PDZD2: variants seen among roughly 807,000 people sequenced by gnomAD.
PDZD2 encodes PDZ domain-containing protein 2.
Under a neutral mutation model 220.7 loss-of-function variants are expected in PDZD2, and 90 were observed. The observed-to-expected ratio is 0.41, with a 90% CI of 0.34 to 0.49. The LOEUF is 0.49. Among genes scored for constraint, PDZD2 ranks in the 20% least tolerant of loss-of-function variants. The pLI is 0.28. For missense variants in PDZD2, 3,174 were observed against 3,608.5 expected (o/e 0.88, Z 3.08); for synonymous variants, 1,375 against 1,450.5 (o/e 0.95, Z 1.18).
intron 1 of PDZD2, among the ~76,000 whole-genome samples, chr5:31,705,429 G>C (rs1747781963): frequency 6.6e-6 from 1 of 152,194 alleles, no homozygotes; most frequent in African/African-American, 2.4e-5. Context: ...GAAAGAGATA[G>C]AATTTGAGGT....
intron 2 of PDZD2, among the ~76,000 whole-genome samples, chr5:31,851,943 G>C (rs184866476): frequency 6.7e-6 from 1 of 150,366 alleles, no homozygotes; most frequent in Non-Finnish European, 1.5e-5. Flanking sequence ...TGCAACCTCC[G>C]CCTCCTGGGT....
At chr5:31,699,031 G>A (rs529452552) in intron 1 of PDZD2, among the ~76,000 whole-genome samples, 4 of 152,294 alleles carry the variant, frequency 2.6e-5, no homozygotes, top group African/African-American at 9.6e-5. Flanking sequence ...CGTGGACAAG[G>A]CTGCTAGTTT....
chr5:31,724,624 A>C (rs868100221), intron 1 of PDZD2, among the ~76,000 whole-genome samples: 23 of 151,628 alleles, frequency 1.5e-4, no homozygotes, highest in Middle Eastern at 3.4e-3. Context: ...AAAAAAAAAA[A>C]AACTCCCTGA....
At chr5:31,695,678 C>T (rs567413380) in intron 1 of PDZD2, among the ~76,000 whole-genome samples, 1 of 152,316 alleles carries the variant, frequency 6.6e-6, no homozygotes, top group South Asian at 2.1e-4. Flanking sequence ...GGCTTATTTA[C>T]AGGGCGTCCT....
chr5:31,680,825 G>A (rs74433390), intron 1 of PDZD2, among the ~76,000 whole-genome samples: 7,964 of 152,172 alleles, frequency 0.052, 272 homozygotes, highest in Non-Finnish European at 0.071. Flanking sequence ...GTGGGTGCAC[G>A]GAACCTCTGC....
intron 7 of PDZD2, 46 bp from the exon 8 acceptor site, chr5:32,048,493 C>G (rs1561446064): frequency 7.7e-6 from 12 of 1,558,534 alleles, no homozygotes; most frequent in Non-Finnish European, 1.1e-5. Flanking sequence ...GCTTACGATT[C>G]TTTTTGTCCC....
At chr5:31,795,100 C>T (rs1009373266) in intron 1 of PDZD2, among the ~76,000 whole-genome samples, 1 of 152,168 alleles carries the variant, frequency 6.6e-6, no homozygotes, top group African/African-American at 2.4e-5. Context: ...GTCCTCACAT[C>T]CCTGCCTGGA....
chr5:31,889,740 C>T (rs1485890624), intron 2 of PDZD2, among the ~76,000 whole-genome samples: 2 of 151,926 alleles, frequency 1.3e-5, no homozygotes, highest in Admixed American at 6.6e-5. Context: ...ACACGGGGGC[C>T]GGGTGCAGTG....
intron 14 of PDZD2, 80 bp from the exon 15 acceptor site, chr5:32,069,489 C>T: frequency 1.2e-6 from 1 of 822,470 alleles, no homozygotes. Flanking sequence ...GCACTTGACT[C>T]TGACTCTGGT....
At chr5:31,779,334 C>T (rs1338698872) in intron 1 of PDZD2, among the ~76,000 whole-genome samples, 10 of 150,184 alleles carry the variant, frequency 6.7e-5, no homozygotes, top group Non-Finnish European at 1.0e-4. Flanking sequence ...CATCCTTTAA[C>T]GTTATTTATG....
In PDZD2 at chr5:31,871,501, G is replaced by T. The variant is rs1738788049; in HGVS notation, c.476+71777G>T. ...CAGTCTCGCTCTGTCATCCAGGCTG[G>T]AGTGCGGTGACATGATCTCGGCTCA... On this transcript the variant is annotated intron_variant, in intron 2 of 24. Transcript: ENST00000438447. 2.0e-5 allele frequency among the ~76,000 whole-genome samples: 3 copies of T among 152,172 alleles called. No individual in the cohort carries two copies. The South Asian group carries it at 6.2e-4, about 31-fold the overall frequency.
intron 1 of PDZD2, among the ~76,000 whole-genome samples, chr5:31,653,850 T>A (rs1745444070): frequency 6.6e-6 from 1 of 152,148 alleles, no homozygotes; most frequent in Non-Finnish European, 1.5e-5. Context: ...AGTGGCGCGA[T>A]CTCAGCTCAC....
chr5:31,956,026 TC>T (rs1341866681), intron 2 of PDZD2, among the ~76,000 whole-genome samples: 1 of 152,188 alleles, frequency 6.6e-6, no homozygotes, highest in Non-Finnish European at 1.5e-5. Context: ...TGTTAAGACT[TC>T]CTTTGTAGCC....
At chr5:31,907,207 C>G (rs905000367) in intron 2 of PDZD2, among the ~76,000 whole-genome samples, 10 of 152,176 alleles carry the variant, frequency 6.6e-5, no homozygotes, top group Non-Finnish European at 1.5e-4. Context: ...TATTTTCTCA[C>G]AGTTCTGGAG....
chr5:31,834,655 GA>G (rs1370261017), intron 2 of PDZD2, among the ~76,000 whole-genome samples: 16 of 125,094 alleles, frequency 1.3e-4, no homozygotes, highest in East Asian at 4.8e-4. Flanking sequence ...GCTTGTGGAG[GA>G]AAAAAAAAAT....
chr5:31,737,246 C>T (rs1180987585), intron 1 of PDZD2, among the ~76,000 whole-genome samples: 1 of 141,654 alleles, frequency 7.1e-6, no homozygotes, highest in African/African-American at 2.6e-5. Flanking sequence ...CATCTCGGCT[C>T]ACTGCAAGCT....
intron 2 of PDZD2, among the ~76,000 whole-genome samples, chr5:31,927,368 C>A (rs928205086): frequency 2.8e-5 from 3 of 108,712 alleles, no homozygotes; most frequent in Non-Finnish European, 4.1e-5. Context: ...CTGCTACTTT[C>A]TTTTTTGGGT....
At chr5:31,754,332 G>A (rs1209863796) in intron 1 of PDZD2, 1 of 152,220 alleles carries the variant, frequency 6.6e-6, no homozygotes, top group African/African-American at 2.4e-5. Flanking sequence ...TGGGCCGTCG[G>A]AGGAGAGGGC....
intron 4 of PDZD2, among the ~76,000 whole-genome samples, chr5:31,997,787 T>G (rs1311505115): frequency 1.3e-5 from 2 of 152,182 alleles, no homozygotes; most frequent in Non-Finnish European, 2.9e-5. Context: ...GGCATTTTAG[T>G]TAGTAACAGG....
Sources: allele counts gnomAD v4.1 joint callset (sites outside exome capture counted in the v4.1 genomes callset), GRCh38; gene constraint gnomAD v4.1.1; transcripts MANE v1.5; gene names NCBI Gene and HGNC (gene_info 2026-07-23, HGNC 2026-07-21).